The following CSMD3 variants were observed in gnomAD, a reference collection of about 807,000 sequenced individuals.
CSMD3 encodes CUB and Sushi multiple domains 3, also known as CUB and sushi domain-containing protein 3.
In CSMD3, 177 loss-of-function variants were observed where a neutral mutation model predicts 435.2. That is an observed-to-expected ratio of 0.41 (90% CI 0.36 to 0.46). The LOEUF is 0.46. Among genes scored for constraint, CSMD3 ranks in the 20% least tolerant of loss-of-function variants. The probability of loss-of-function intolerance (pLI) is 0.34; values close to 1 mark genes in which losing one functional copy is unlikely to be tolerated. For synonymous variants in CSMD3, 1,656 were observed against 1,520.5 expected (o/e 1.09, Z -2.07); for missense variants, 4,265 against 4,504.6 (o/e 0.95, Z 1.52).
chr8:112,863,785 T>C (rs554132008), intron 10 of CSMD3, among the ~76,000 whole-genome samples: 1 of 152,170 alleles, frequency 6.6e-6, no homozygotes, highest in East Asian at 1.9e-4. Context: ...AGTAAAGTAG[T>C]ACATTTGAGA....
chr8:112,282,616 G>T (rs1005519200), intron 58 of CSMD3, among the ~76,000 whole-genome samples: 5 of 151,994 alleles, frequency 3.3e-5, no homozygotes, highest in Non-Finnish European at 7.4e-5. Flanking sequence ...TCAAGATATG[G>T]CCAAATCGTA....
intron 9 of CSMD3, among the ~76,000 whole-genome samples, chr8:112,932,620 A>G (rs901050235): frequency 2.6e-5 from 4 of 152,024 alleles, no homozygotes; most frequent in Non-Finnish European, 5.9e-5. Flanking sequence ...CCTGGGAGAC[A>G]GAGCGAGAAA....
chr8:113,087,822 C>T (rs2089852812), intron 5 of CSMD3, among the ~76,000 whole-genome samples: 1 of 152,060 alleles, frequency 6.6e-6, no homozygotes, highest in Admixed American at 6.6e-5. Flanking sequence ...TCTAAAACAC[C>T]AAAAGCAATG....
At chr8:112,533,010 C>T (rs1345040995) in intron 27 of CSMD3, among the ~76,000 whole-genome samples, 1 of 152,016 alleles carries the variant, frequency 6.6e-6, no homozygotes, top group Admixed American at 6.6e-5. Context: ...TGTTTCTGTG[C>T]TTTTCTCTGC....
chr8:112,432,599 C>T (rs1813839104), intron 32 of CSMD3, among the ~76,000 whole-genome samples: 1 of 152,102 alleles, frequency 6.6e-6, no homozygotes, highest in African/African-American at 2.4e-5. Context: ...AGATGTGGGC[C>T]ACTGCACCCA....
chr8:112,388,126 GAAC>G (rs1830126468), intron 36 of CSMD3, among the ~76,000 whole-genome samples: 1 of 152,148 alleles, frequency 6.6e-6, no homozygotes, highest in Non-Finnish European at 1.5e-5. Flanking sequence ...CTCACAGAAA[GAAC>G]AACATGCACA....
At chr8:112,238,821 CT>C (rs1453481398) in intron 66 of CSMD3, among the ~76,000 whole-genome samples, 1 of 151,636 alleles carries the variant, frequency 6.6e-6, no homozygotes, top group African/African-American at 2.4e-5. Context: ...TGATACATTA[CT>C]TTTAAGGATT....
intron 32 of CSMD3, among the ~76,000 whole-genome samples, chr8:112,467,781 G>C (rs1818108751): frequency 6.6e-6 from 1 of 152,164 alleles, no homozygotes; most frequent in African/African-American, 2.4e-5. Flanking sequence ...GATGACGTCA[G>C]AGATTGGAGT....
At chr8:113,421,834 G>T (rs1588697374) in intron 1 of CSMD3, among the ~76,000 whole-genome samples, 1 of 152,258 alleles carries the variant, frequency 6.6e-6, no homozygotes, top group African/African-American at 2.4e-5. Context: ...AAATACCATG[G>T]AAAGATTAAC....
At chr8:112,868,977 C>T (rs1001984475) in intron 10 of CSMD3, among the ~76,000 whole-genome samples, 2 of 151,978 alleles carry the variant, frequency 1.3e-5, no homozygotes, top group African/African-American at 2.4e-5. Flanking sequence ...AATATGACAA[C>T]AAAAGCATAG....
chr8:113,377,758 G>A (rs2094395169), intron 1 of CSMD3, among the ~76,000 whole-genome samples: 1 of 152,108 alleles, frequency 6.6e-6, no homozygotes, highest in East Asian at 1.9e-4. Flanking sequence ...ATACCATTAA[G>A]CCTAAAAATA....
chr8:113,357,970 A>C lies in CSMD3; in HGVS notation c.179-43177T>G, dbSNP rs1588589493. On this transcript the variant is annotated intron_variant, in intron 1 of 70. Coordinates refer to ENST00000297405, the MANE Select transcript of CSMD3 (RefSeq NM_198123.2). ...AACCTCTTTTCTTTATAAATTACCC[A>C]GTCTCAGGTAGTTCTTTATAGCAAT... Among the ~76,000 whole-genome samples the C allele has an allele frequency of 2.0e-5, 3 of 152,322 alleles. No homozygotes were observed. The South Asian group carries it at 6.2e-4, about 32-fold the overall frequency.
In CSMD3 at chr8:112,349,579, C is replaced by T. The variant is rs144446641; in HGVS notation, c.6325+1596G>A. On this transcript the variant is annotated intron_variant, in intron 40 of 70. Transcript: ENST00000297405. ...CAACTTTTATACTCAATTGGATATA[C>T]ACATAAACACACACACACCACACAA... 7.6e-3 allele frequency among the ~76,000 whole-genome samples: 1,150 copies of T among 152,114 alleles called. 21 individuals are homozygous for T. The highest frequency in any genetic ancestry group is 0.026 in the African/African-American group (1,075 of 41,508).
At chr8:112,817,452 C>T (rs964622508) in intron 12 of CSMD3, among the ~76,000 whole-genome samples, 15 of 151,622 alleles carry the variant, frequency 9.9e-5, no homozygotes, top group Middle Eastern at 3.2e-3. Flanking sequence ...ATCTGTGAAA[C>T]AAAGTTCTTT....
rs186623882 is a variant in CSMD3, at chr8:112,960,113, A to C, written c.1343-5352T>G. Among the ~76,000 whole-genome samples, 902 of 151,876 alleles carry C rather than the reference A, an allele frequency of 5.9e-3. 5 individuals are homozygous for C. Among genetic ancestry groups the C allele is most frequent in the African/African-American group, 0.019 (802 of 41,526 alleles). On this transcript the variant is annotated intron_variant, in intron 7 of 70. Transcript: ENST00000297405. ...TATAAAATTATTTAACTGTATAAAG[A>C]TGACTTTTTTTTGTTTGTTTAAAAG...
intron 3 of CSMD3, among the ~76,000 whole-genome samples, chr8:113,249,745 C>T (rs1488483558): frequency 2.6e-5 from 4 of 151,746 alleles, no homozygotes; most frequent in Admixed American, 6.6e-5. Flanking sequence ...TTTTCCTGTA[C>T]CCTTAAATAT....
intron 1 of CSMD3, among the ~76,000 whole-genome samples, chr8:113,400,675 G>C (rs2094505852): frequency 6.6e-6 from 1 of 151,808 alleles, no homozygotes; most frequent in Non-Finnish European, 1.5e-5. Context: ...TATTGTCTCT[G>C]TAAGTTAAGC....
chr8:113,340,291 T>C (rs892552840), intron 1 of CSMD3, among the ~76,000 whole-genome samples: 1 of 152,100 alleles, frequency 6.6e-6, no homozygotes, highest in African/African-American at 2.4e-5. Flanking sequence ...ATGAGGACAT[T>C]AGACCATTTT....
intron 13 of CSMD3, among the ~76,000 whole-genome samples, chr8:112,777,088 CAAAATTTGGAG>C: frequency 6.6e-6 from 1 of 151,652 alleles, no homozygotes; most frequent in East Asian, 1.9e-4. Flanking sequence ...CATTTGTGAC[CAAAATTTGGAG>C]ATGCTGTGCC....
Sources: gnomAD v4.1 joint callset for allele counts (sites outside exome capture counted in the v4.1 genomes callset) on GRCh38, gnomAD v4.1.1 for gene constraint, MANE v1.5 for transcripts, NCBI Gene and HGNC (gene_info 2026-07-23, HGNC 2026-07-21) for gene names.